Variants in LSP1 observed in about 807,000 individuals in gnomAD.
The protein encoded by LSP1 is lymphocyte specific protein 1.
In LSP1, 32 loss-of-function variants were observed where a neutral mutation model predicts 49.3. That is an observed-to-expected ratio of 0.65 (90% CI 0.49 to 0.87). LSP1 has a LOEUF of 0.87. Ranked by LOEUF, LSP1 falls within the 40% of genes least tolerant of loss-of-function variation. LSP1 has a pLI of 0.00. For synonymous variants in LSP1, 179 were observed against 178.8 expected (o/e 1.00, Z -0.01); for missense variants, 428 against 442.6 (o/e 0.97, Z 0.30).
rs1184961343 is a variant in LSP1, at chr11:1,884,597, C to T, written c.717+16C>T. The T allele has an allele frequency of 3.1e-6, 5 of 1,608,878 alleles. No individual in the cohort carries two copies. Among genetic ancestry groups the T allele is most frequent in the Non-Finnish European group, 4.3e-6 (5 of 1,175,594 alleles). On this transcript the variant is annotated intron_variant, in intron 7 of 10. Transcript: ENST00000311604. This position sits in a 1 kb window ranked among gnomAD's most constrained non-coding sequence, Gnocchi z 4.1. ...GGCCATCGAGGTATGACCTGGCTCC[C>T]CTCTGCTGTCAGGTCCCTCCTGCAT...
intron 1 of LSP1, chr11:1,871,500 C>A: frequency 1.0e-6 from 1 of 984,566 alleles, no homozygotes; most frequent in Non-Finnish European, 1.2e-6. Context: ...GGTCCCTGAC[C>A]CAGCCTCTGA....
chr11:1,881,459 T>C lies in LSP1; in HGVS notation c.219T>C (p.Pro73=). The part of the protein sequence containing the change: ...MLLSLKPSEA[P]ELDEDEGFGD... ...TCAGCCTGAAGCCCTCGGAGGCCCCTGAACTGGATGAGGACGAGGGCTTTG... is the reference window on the plus strand; with the variant it reads ...TCAGCCTGAAGCCCTCGGAGGCCCCCGAACTGGATGAGGACGAGGGCTTTG... The change falls in exon 3 of 11, where the codon CCT becomes CCC. Residue 73 remains proline (P), a synonymous_variant. Transcript: ENST00000311604. 1.3e-6 allele frequency: 2 copies of C among 1,580,198 alleles called. No individual in the cohort carries two copies. Among genetic ancestry groups the C allele is most frequent in the Non-Finnish European group, 1.7e-6 (2 of 1,162,542 alleles).
chr11:1,875,954 C>T (rs976016473), intron 1 of LSP1, among the ~76,000 whole-genome samples: 15 of 152,230 alleles, frequency 9.9e-5, no homozygotes, highest in Admixed American at 2.6e-4. Context: ...TGGACTGCCC[C>T]CTCCCTGGGG....
chr11:1,883,281 G>T, intron 3 of LSP1, 138 bp from the exon 4 acceptor site: 1 of 1,061,248 alleles, frequency 9.4e-7, no homozygotes, highest in Non-Finnish European at 1.4e-6. Context: ...AATGGGCTTG[G>T]GTCTCAGATC....
At chr11:1,859,199 T>C (rs1847560689) in intron 1 of LSP1, among the ~76,000 whole-genome samples, 1 of 152,104 alleles carries the variant, frequency 6.6e-6, no homozygotes. Flanking sequence ...CAGGGGCCTC[T>C]ACACACACCA....
At chr11:1,888,140 C>A (rs1848833477) in intron 10 of LSP1, among the ~76,000 whole-genome samples, 1 of 152,174 alleles carries the variant, frequency 6.6e-6, no homozygotes, top group Non-Finnish European at 1.5e-5. Context: ...CAGCACCCAT[C>A]ACACCACAGG....
At chr11:1,861,351 GATC>G (rs1847623862) in intron 1 of LSP1, among the ~76,000 whole-genome samples, 1 of 152,196 alleles carries the variant, frequency 6.6e-6, no homozygotes, top group Admixed American at 6.5e-5. Context: ...CTTGAAACAT[GATC>G]ATCATAAGAG....
At chr11:1,881,359 G>A (rs1366042731) in intron 2 of LSP1, 73 bp from the exon 3 acceptor site, 77 of 1,420,788 alleles carry the variant, frequency 5.4e-5, no homozygotes, top group Non-Finnish European at 6.6e-5. Flanking sequence ...AGCGGGCGCC[G>A]TGAGGTGAGT....
chr11:1,889,297 G>T (rs1403290054), intron 10 of LSP1: 1 of 699,950 alleles, frequency 1.4e-6, no homozygotes, highest in Non-Finnish European at 2.6e-6. Flanking sequence ...AGGCGGGTGA[G>T]GCTGGCTGGG....
intron 3 of LSP1, among the ~76,000 whole-genome samples, chr11:1,882,642 G>C (rs567689195): frequency 6.6e-6 from 1 of 152,024 alleles, no homozygotes; most frequent in Non-Finnish European, 1.5e-5. Flanking sequence ...TGACTCTTCC[G>C]TGGAGCCCAG....
At position 1,880,152 on chromosome 11, in the gene LSP1, G is replaced by C. The variant is rs1486073931; in HGVS notation, c.119G>C (p.Arg40Thr). The part of the protein sequence containing the change: ...EAVHEQCQHE[R>T]DRQLQAQDEE... ...GTCCACGAGCAATGCCAGCATGAGA[G>C]AGACAGGCAGCTTCAGGCCCAGGAC... The change falls in exon 2 of 11, where the codon AGA (arginine) becomes ACA (threonine). Residue 40 changes from arginine (R) to threonine (T), a missense_variant. Coordinates refer to ENST00000311604, the MANE Select transcript of LSP1 (RefSeq NM_002339.3). 1.2e-6 allele frequency: 2 copies of C among 1,607,550 alleles called. No individual in the cohort carries two copies. Among genetic ancestry groups the C allele is most frequent in the East Asian group, 2.3e-5 (1 of 44,350 alleles).
In LSP1 at chr11:1,880,086, G is replaced by A; in HGVS notation, c.54-1G>A. ...GACTGTCCCTCTGTGTCCCCCACTA[G>A]GCCCACTGCTCAGTGGAGCGTGGAG... On this transcript the variant is annotated splice_acceptor_variant, in intron 1 of 10. Coordinates refer to ENST00000311604, the MANE Select transcript of LSP1 (RefSeq NM_002339.3). LOFTEE classifies it high-confidence loss of function. 6.2e-7 allele frequency: 1 copy of A among 1,608,562 alleles called. No individual in the cohort carries two copies. Among genetic ancestry groups the A allele is most frequent in the East Asian group, 2.3e-5 (1 of 44,360 alleles).
At chr11:1,869,736 G>A (rs1232930577) in intron 1 of LSP1, 2 of 470,628 alleles carry the variant, frequency 4.2e-6, no homozygotes, top group East Asian at 7.0e-5. Context: ...CCAGGCGAGG[G>A]CTGGCGAGCT....
rs747544389 is a variant in LSP1 at position 1,886,810 on chromosome 11, C to T, written c.796C>T (p.Arg266Trp). Reference protein sequence around the residue: ...PSMAVASTKSRWETGEVQAQS... With the variant: ...PSMAVASTKSWWETGEVQAQS... ...CATGGCTGTGGCCAGTACCAAGAGT[C>T]GGTGGGAGACGGGTGAGGTACAGGC... The change falls in exon 8 of 11, where the codon CGG becomes TGG. Residue 266 changes from arginine to tryptophan, a missense_variant. Transcript: ENST00000311604. The T allele has an allele frequency of 8.1e-6, 13 of 1,611,848 alleles. No individual in the cohort carries two copies. Among genetic ancestry groups the T allele is most frequent in the African/African-American group, 4.0e-5 (3 of 74,986 alleles).
chr11:1,874,088 A>AGAGGAGG (rs1848192142), intron 1 of LSP1, among the ~76,000 whole-genome samples: 1 of 23,988 alleles, frequency 4.2e-5, no homozygotes, highest in Non-Finnish European at 8.5e-5. Context: ...GGAGGCCGGC[A>AGAGGAGG]GAGCAGGGAG....
Position 1,874,077 on chromosome 11 carries a change from G to GGGAGGCCGGCAGAGGAA in LSP1, c.54-5996_54-5995insGAAGGAGGCCGGCAGAG, listed in dbSNP as rs1247432599. On this transcript the variant is annotated intron_variant, in intron 1 of 10. Coordinates refer to ENST00000311604, the MANE Select transcript of LSP1 (RefSeq NM_002339.3). ...GCAGAGCAGGGAGGCCGGCAGAGGA[G>GGGAGGCCGGCAGAGGAA]GGAGGCCGGCAGAGCAGGGAGGCCG... Among the ~76,000 whole-genome samples the GGGAGGCCGGCAGAGGAA allele has an allele frequency of 1.5e-4, 22 of 142,676 alleles. 7 individuals carry two copies. Among genetic ancestry groups the GGGAGGCCGGCAGAGGAA allele is most frequent in the Non-Finnish European group, 2.6e-4 (17 of 65,256 alleles). 93.6% of individuals were successfully genotyped at this position (142,676 alleles called of 152,430 possible). A position where few individuals can be genotyped will look rare whatever the true frequency, so the allele number is the denominator to read the frequency against.
intron 10 of LSP1, chr11:1,891,102 G>A (rs1848983975): frequency 6.3e-6 from 1 of 157,750 alleles, no homozygotes; most frequent in Non-Finnish European, 1.4e-5. Context: ...AGCGGTGAGG[G>A]GTGGCGGCCA....
intron 1 of LSP1, 62 bp from the exon 2 acceptor site, chr11:1,880,019 GGAGGAA>G: frequency 2.5e-6 from 4 of 1,579,628 alleles, no homozygotes; most frequent in East Asian, 2.4e-5. Context: ...TGTGTAGATG[GGAGGAA>G]TGGGTGCAAA....
chr11:1,862,349 T>A (rs1047121828), intron 1 of LSP1, among the ~76,000 whole-genome samples: 1 of 152,252 alleles, frequency 6.6e-6, no homozygotes, highest in African/African-American at 2.4e-5. Context: ...TCACTTCCCA[T>A]CCATCAGCAT....
Sources: allele counts gnomAD v4.1 joint callset (sites outside exome capture counted in the v4.1 genomes callset), GRCh38; gene constraint gnomAD v4.1.1; non-coding constraint Gnocchi (gnomAD v3.1); transcripts MANE v1.5; gene names NCBI Gene and HGNC (gene_info 2026-07-23, HGNC 2026-07-21).